The following AGBL1 variants were observed in gnomAD, a reference collection of about 807,000 sequenced individuals.
AGBL1 encodes the protein AGBL carboxypeptidase 1.
A neutral mutation model predicts 118.9 loss-of-function variants in AGBL1; 130 were observed. That is an observed-to-expected ratio of 1.09 (90% CI 0.95 to 1.26). The LOEUF (loss-of-function observed/expected upper bound fraction) is 1.26, where lower values mean the gene tolerates loss of function less well. Among genes scored for constraint, AGBL1 ranks in the 50% most tolerant of loss-of-function variants. The pLI, the probability that AGBL1 is intolerant of heterozygous loss-of-function variation, is 0.00. For missense variants in AGBL1, 1,584 were observed against 1,298.1 expected (o/e 1.22, Z -3.38); for synonymous variants, 555 against 478.9 (o/e 1.16, Z -2.08).
intron 24 of AGBL1, among the ~76,000 whole-genome samples, chr15:86,992,233 A>C (rs1320603678): frequency 6.6e-6 from 1 of 152,078 alleles, no homozygotes; most frequent in East Asian, 1.9e-4. Flanking sequence ...CTCACTCATT[A>C]CTGCCAGGAG....
At chr15:86,729,579 G>T (rs1011996987) in intron 22 of AGBL1, among the ~76,000 whole-genome samples, 1 of 152,300 alleles carries the variant, frequency 6.6e-6, no homozygotes, top group East Asian at 1.9e-4. Context: ...GCCTCCAGCT[G>T]TATCCATATT....
intron 19 of AGBL1, among the ~76,000 whole-genome samples, chr15:86,532,283 T>C (rs1168945515): frequency 6.6e-6 from 1 of 151,944 alleles, no homozygotes; most frequent in Non-Finnish European, 1.5e-5. Context: ...AAAATCAATG[T>C]GCAAAAATCA....
At chr15:86,212,448 C>A (rs1295328419) in intron 5 of AGBL1, among the ~76,000 whole-genome samples, 1 of 152,096 alleles carries the variant, frequency 6.6e-6, no homozygotes, top group Non-Finnish European at 1.5e-5. Flanking sequence ...AGTTTGCTAG[C>A]TGGGAAAGGG....
intron 21 of AGBL1, among the ~76,000 whole-genome samples, chr15:86,560,351 C>T (rs2083798798): frequency 6.9e-6 from 1 of 145,254 alleles, no homozygotes; most frequent in South Asian, 2.4e-4. Flanking sequence ...CAAGTGTTCT[C>T]ATTGTTCAAT....
At chr15:86,666,941 T>G (rs1399429991) in intron 21 of AGBL1, among the ~76,000 whole-genome samples, 1 of 152,180 alleles carries the variant, frequency 6.6e-6, no homozygotes, top group Non-Finnish European at 1.5e-5. Flanking sequence ...CATGCCAGGC[T>G]ATCTTCTCAG....
Position 86,247,717 on chromosome 15 carries a change from G to T in AGBL1, c.573G>T (p.Leu191=). 1 of 1,613,280 alleles carries T rather than the reference G, an allele frequency of 6.2e-7. No individual in the cohort carries two copies. Among genetic ancestry groups the T allele is most frequent in the East Asian group, 2.2e-5 (1 of 44,862 alleles). Residue 191 remains leucine (L), a synonymous_variant, in exon 7 of 23, where the codon CTG becomes CTT. Transcript: ENST00000614907. ...RAVNRGYVTS[L]LGLHQDWHSH... Reference sequence around the variant, plus strand: ...TGAACCGAGGCTACGTCACCAGCCTGCTCGGGCTGCACCAGGACTGGCACA... The same window carrying T: ...TGAACCGAGGCTACGTCACCAGCCTTCTCGGGCTGCACCAGGACTGGCACA...
Position 86,269,944 on chromosome 15 carries a change from G to A in AGBL1, c.1864G>A (p.Ala622Thr), listed in dbSNP as rs372859846. 18 of 1,613,802 alleles carry A rather than the reference G, an allele frequency of 1.1e-5. No homozygotes were observed. The African/African-American group carries it at 1.2e-4, about 11-fold the overall frequency. The change falls in exon 14 of 23, where the codon GCA (alanine) becomes ACA (threonine). Residue 622 changes from alanine to threonine, a missense_variant. Coordinates refer to ENST00000614907, the MANE Select transcript of AGBL1 (RefSeq NM_001386094.1). ...REFEYDLLVN[A>T]DVNSTQHQQW... The stretch of plus-strand genomic sequence containing the variant: ...GTTCGAGTATGACTTGCTGGTCAAC[G>A]CAGATGTGAATAGCACCCAGCACCA...
intron 22 of AGBL1, among the ~76,000 whole-genome samples, chr15:86,696,037 A>C (rs568929641): frequency 1.3e-5 from 2 of 152,100 alleles, no homozygotes; most frequent in South Asian, 2.1e-4. Flanking sequence ...CCATGTGCTC[A>C]TGAGTAGAAT....
intron 16 of AGBL1, among the ~76,000 whole-genome samples, chr15:86,280,036 T>G (rs1298192916): frequency 6.6e-6 from 1 of 152,140 alleles, no homozygotes; most frequent in African/African-American, 2.4e-5. Flanking sequence ...GGTCTGCAAG[T>G]TGGGGCAGGA....
At chr15:86,756,957 T>TC (rs2077951191) in intron 22 of AGBL1, among the ~76,000 whole-genome samples, 3 of 150,726 alleles carry the variant, frequency 2.0e-5, no homozygotes, top group African/African-American at 7.3e-5. Flanking sequence ...TTTTTTTTTT[T>TC]CTCCCCATCC....
At chr15:86,192,141 T>A (rs1479437628) in intron 5 of AGBL1, among the ~76,000 whole-genome samples, 1 of 151,208 alleles carries the variant, frequency 6.6e-6, no homozygotes, top group African/African-American at 2.4e-5. Flanking sequence ...CCCACACACA[T>A]GCACGCATGC....
chr15:86,570,020 CAAAG>C (rs2083980355), intron 21 of AGBL1, among the ~76,000 whole-genome samples: 1 of 152,182 alleles, frequency 6.6e-6, no homozygotes, highest in East Asian at 1.9e-4. Context: ...CAAACAAAAT[CAAAG>C]AAAGCATTGA....
Position 86,365,275 on chromosome 15 carries a change from C to T in AGBL1, c.2375-32091C>T, listed in dbSNP as rs911411177. 8.6e-5 allele frequency among the ~76,000 whole-genome samples: 13 copies of T among 152,024 alleles called. 1 individual carries two copies. The highest frequency in any genetic ancestry group is 2.9e-4 in the African/African-American group (12 of 41,408). On this transcript the variant is annotated intron_variant, in intron 17 of 22. Transcript: ENST00000614907. ...TCTCCTACATTAGTCAGAAGAGATTCATCTAAGCTATTCAAGTCCATGTGT... is the reference window on the plus strand; with the variant it reads ...TCTCCTACATTAGTCAGAAGAGATTTATCTAAGCTATTCAAGTCCATGTGT...
At chr15:86,389,643 A>G (rs2081247570) in intron 17 of AGBL1, among the ~76,000 whole-genome samples, 1 of 152,338 alleles carries the variant, frequency 6.6e-6, no homozygotes, top group African/African-American at 2.4e-5. Context: ...TTTATTACAC[A>G]ATAAATGTAA....
chr15:86,559,663 C>T (rs78718972), intron 21 of AGBL1, among the ~76,000 whole-genome samples: 3,431 of 152,240 alleles, frequency 0.023, 65 homozygotes, highest in Middle Eastern at 0.075. Flanking sequence ...CAACAAAGCA[C>T]TACAAAATCA....
chr15:86,298,101 G>C (rs897543528), intron 17 of AGBL1, among the ~76,000 whole-genome samples: 1 of 151,476 alleles, frequency 6.6e-6, no homozygotes, highest in East Asian at 1.9e-4. Flanking sequence ...AAGGGAGAAA[G>C]AAAATTCTTT....
At chr15:86,336,234 AT>A (rs1185798326) in intron 17 of AGBL1, among the ~76,000 whole-genome samples, 1 of 152,170 alleles carries the variant, frequency 6.6e-6, no homozygotes, top group Non-Finnish European at 1.5e-5. Context: ...CAAACCACAG[AT>A]TCTTGCTACA....
chr15:86,973,939 T>A lies in AGBL1; in HGVS notation c.3222-14048T>A, dbSNP rs550711740. On this transcript the variant is annotated intron_variant, in intron 23 of 24. Coordinates refer to the AGBL1 transcript ENST00000441037. Reference sequence around the variant, plus strand: ...ATATTTAATATATTAAATATAAACATATTTAATATATTAAATATAAACATA... The same window carrying A: ...ATATTTAATATATTAAATATAAACAAATTTAATATATTAAATATAAACATA... Among the ~76,000 whole-genome samples, 22 of 143,236 alleles carry A rather than the reference T, an allele frequency of 1.5e-4. No homozygotes were observed. The Middle Eastern group carries it at 0.011, about 75-fold the overall frequency. The allele number at this position is 143,236 out of a possible 152,430, so 94.0% of individuals were successfully genotyped here.
chr15:86,830,301 A>G (rs1180341627), intron 22 of AGBL1, among the ~76,000 whole-genome samples: 2 of 152,152 alleles, frequency 1.3e-5, no homozygotes, highest in African/African-American at 2.4e-5. Context: ...TCAACCTCTG[A>G]GAGGTTAACT....
Sources: allele counts gnomAD v4.1 joint callset (sites outside exome capture counted in the v4.1 genomes callset), GRCh38; gene constraint gnomAD v4.1.1; transcripts MANE v1.5; gene names NCBI Gene and HGNC (gene_info 2026-07-23, HGNC 2026-07-21).